The following GRID2 variants were observed in gnomAD, a reference collection of about 807,000 sequenced individuals.
GRID2 encodes glutamate receptor ionotropic, delta-2.
A neutral mutation model predicts 114.8 loss-of-function variants in GRID2; 33 were observed. The ratio of observed to expected loss-of-function variants is 0.29; its 90% CI spans 0.22 to 0.38. The LOEUF is 0.38. Among genes scored for constraint, GRID2 ranks in the 10% least tolerant of loss-of-function variants. The probability of loss-of-function intolerance (pLI) is 1.00; values close to 1 mark genes in which losing one functional copy is unlikely to be tolerated. For missense variants in GRID2, 1,184 were observed against 1,257.7 expected (o/e 0.94, Z 0.89); for synonymous variants, 505 against 449.9 (o/e 1.12, Z -1.55).
chr4:93,808,848 G>A (rs1046729800), exon 2 of GRID2: 5 of 152,130 alleles, frequency 3.3e-5, no homozygotes, highest in South Asian at 2.1e-4. Flanking sequence ...GCATGCTTCC[G>A]AAAATAAAGC....
At chr4:93,629,599 AT>A (rs1345836418) in intron 14 of GRID2, among the ~76,000 whole-genome samples, 1 of 152,194 alleles carries the variant, frequency 6.6e-6, no homozygotes, top group Non-Finnish European at 1.5e-5. Context: ...TGTGGTCAGT[AT>A]GTTTTATACA....
At chr4:92,395,960 TA>T (rs1286812195) in intron 1 of GRID2, among the ~76,000 whole-genome samples, 1 of 151,920 alleles carries the variant, frequency 6.6e-6, no homozygotes, top group African/African-American at 2.4e-5. Flanking sequence ...AAATACGTAA[TA>T]ACCTATTAGT....
chr4:93,604,011 C>T (rs564551955), intron 13 of GRID2, among the ~76,000 whole-genome samples: 1 of 152,340 alleles, frequency 6.6e-6, no homozygotes, highest in Admixed American at 6.5e-5. Context: ...ATCCATTCTG[C>T]AGCCCATAGA....
At chr4:92,949,393 G>A (rs150606894) in intron 2 of GRID2, among the ~76,000 whole-genome samples, 45 of 152,144 alleles carry the variant, frequency 3.0e-4, no homozygotes, top group African/African-American at 1.0e-3. Flanking sequence ...CATGTGCCAT[G>A]TTGGTGTGCT....
At chr4:93,367,091 T>C (rs1342676199) in intron 8 of GRID2, among the ~76,000 whole-genome samples, 1 of 152,078 alleles carries the variant, frequency 6.6e-6, no homozygotes, top group African/African-American at 2.4e-5. Context: ...AAATGTATGC[T>C]TTTGAATCTA....
intron 2 of GRID2, among the ~76,000 whole-genome samples, chr4:92,664,881 C>A (rs937048272): frequency 6.7e-6 from 1 of 150,278 alleles, no homozygotes; most frequent in Non-Finnish European, 1.5e-5. Flanking sequence ...TATGGAATAT[C>A]TTTTTTAAAT....
intron 3 of GRID2, among the ~76,000 whole-genome samples, chr4:93,099,516 A>C (rs1239800184): frequency 2.0e-5 from 3 of 151,860 alleles, no homozygotes; most frequent in African/African-American, 7.2e-5. Flanking sequence ...ATGCATAATA[A>C]GTATTGACAA....
At chr4:92,871,853 T>A (rs1382984594) in intron 2 of GRID2, among the ~76,000 whole-genome samples, 2 of 152,194 alleles carry the variant, frequency 1.3e-5, no homozygotes, top group Non-Finnish European at 2.9e-5. Flanking sequence ...GTTGCTTAAT[T>A]TAAATGAAAA....
chr4:92,944,192 G>C (rs1352473439), intron 2 of GRID2, among the ~76,000 whole-genome samples: 1 of 152,206 alleles, frequency 6.6e-6, no homozygotes, highest in East Asian at 1.9e-4. Flanking sequence ...GGAGTCTACA[G>C]AGGCAGGCAG....
chr4:93,410,765 T>G (rs1291825470), intron 9 of GRID2, among the ~76,000 whole-genome samples: 1 of 152,202 alleles, frequency 6.6e-6, no homozygotes, highest in African/African-American at 2.4e-5. Flanking sequence ...GTATTTTTAG[T>G]AGAGACAGGG....
intron 13 of GRID2, 104 bp from the exon 14 acceptor site, chr4:93,626,165 G>T: frequency 1.6e-6 from 1 of 611,010 alleles, no homozygotes. Context: ...ATTATTTTTA[G>T]CATAATTAAA....
At chr4:92,564,309 G>A (rs1428031158) in intron 1 of GRID2, among the ~76,000 whole-genome samples, 1 of 151,888 alleles carries the variant, frequency 6.6e-6, no homozygotes, top group Non-Finnish European at 1.5e-5. Flanking sequence ...TTAATTACTA[G>A]TATGCACAGA....
At chr4:92,412,136 T>G (rs1023101219) in intron 1 of GRID2, among the ~76,000 whole-genome samples, 2 of 151,724 alleles carry the variant, frequency 1.3e-5, no homozygotes, top group Non-Finnish European at 2.9e-5. Context: ...TGTGTGTGTG[T>G]GGTGTGTGTG....
chr4:93,122,452 A>G (rs988937555), intron 4 of GRID2, among the ~76,000 whole-genome samples: 4 of 152,158 alleles, frequency 2.6e-5, no homozygotes, highest in Admixed American at 1.3e-4. Flanking sequence ...TGACCTATAT[A>G]TTATTTTCTA....
At position 93,237,347 on chromosome 4, in the gene GRID2, T is replaced by A. The variant is rs139029135; in HGVS notation, c.1126-1024T>A. Among the ~76,000 whole-genome samples, 750 of 152,066 alleles carry A rather than the reference T, an allele frequency of 4.9e-3. 7 individuals are homozygous for A. The highest frequency in any genetic ancestry group is 0.017 in the African/African-American group (722 of 41,554). ...AATCAAAAATAGTTTATTGAACTCATCATGAACTTTGCATCAGGTGATTGG... is the reference window on the plus strand; with the variant it reads ...AATCAAAAATAGTTTATTGAACTCAACATGAACTTTGCATCAGGTGATTGG... On this transcript the variant is annotated intron_variant, in intron 7 of 15. Transcript: ENST00000282020.
At chr4:92,932,440 A>G (rs1750314542) in intron 2 of GRID2, among the ~76,000 whole-genome samples, 1 of 151,244 alleles carries the variant, frequency 6.6e-6, no homozygotes, top group South Asian at 2.1e-4. Flanking sequence ...ACAATTGTAA[A>G]CTATAGCTCC....
At chr4:92,318,310 T>TATA (rs1726112902) in intron 1 of GRID2, among the ~76,000 whole-genome samples, 51 of 74,378 alleles carry the variant, frequency 6.9e-4, no homozygotes, top group African/African-American at 1.1e-3. Context: ...ATATATATAT[T>TATA]TTTTTTTTTT....
At chr4:92,492,212 G>A (rs1421967749) in intron 1 of GRID2, among the ~76,000 whole-genome samples, 4 of 152,154 alleles carry the variant, frequency 2.6e-5, no homozygotes, top group African/African-American at 9.7e-5. Context: ...GTTTTCCTAT[G>A]AGTATATTCT....
At chr4:93,148,296 A>G (rs1354623871) in intron 4 of GRID2, among the ~76,000 whole-genome samples, 1 of 152,172 alleles carries the variant, frequency 6.6e-6, no homozygotes, top group East Asian at 1.9e-4. Context: ...CCAACTTCAT[A>G]AATGGCACAC....
Sources: gnomAD v4.1 joint callset for allele counts (sites outside exome capture counted in the v4.1 genomes callset) on GRCh38, gnomAD v4.1.1 for gene constraint, MANE v1.5 for transcripts, NCBI Gene and HGNC (gene_info 2026-07-23, HGNC 2026-07-21) for gene names.